The following ANKS1B variants were observed in gnomAD, a reference collection of about 807,000 sequenced individuals.
The protein encoded by ANKS1B is ankyrin repeat and sterile alpha motif domain-containing protein 1B.
A neutral mutation model predicts 148.3 loss-of-function variants in ANKS1B; 36 were observed. That is an observed-to-expected ratio of 0.24 (90% confidence interval 0.19 to 0.32). The LOEUF (loss-of-function observed/expected upper bound fraction) is 0.32, where lower values mean the gene tolerates loss of function less well. ANKS1B is among the 10% of genes least tolerant of loss of function. ANKS1B has a pLI of 1.00. For synonymous variants in ANKS1B, 542 were observed against 560.8 expected, an observed-to-expected ratio of 0.97 and a Z score of 0.47; for missense variants, 1,157 against 1,542.6, an observed-to-expected ratio of 0.75 and a Z score of 4.19.
chr12:99,881,969 A>G (rs937611714), intron 1 of ANKS1B, among the ~76,000 whole-genome samples: 2 of 152,240 alleles, frequency 1.3e-5, no homozygotes, highest in African/African-American at 4.8e-5. Context: ...CACAGACATC[A>G]ATGCCAAGAT....
intron 16 of ANKS1B, among the ~76,000 whole-genome samples, chr12:99,081,753 C>T (rs188379714): frequency 6.6e-5 from 10 of 152,186 alleles, no homozygotes; most frequent in Admixed American, 2.0e-4. Context: ...AATAATTCTA[C>T]GTTCAGTTTC....
chr12:99,560,187 C>G (rs1205358704), intron 9 of ANKS1B, among the ~76,000 whole-genome samples: 1 of 152,096 alleles, frequency 6.6e-6, no homozygotes, highest in African/African-American at 2.4e-5. Flanking sequence ...CTCTAATTGA[C>G]TGTAAAGTTA....
intron 1 of ANKS1B, among the ~76,000 whole-genome samples, chr12:99,981,231 C>G (rs934173813): frequency 6.6e-6 from 1 of 151,958 alleles, no homozygotes; most frequent in South Asian, 2.1e-4. Context: ...ATGATAGGTA[C>G]TATTATTACT....
Position 99,205,596 on chromosome 12 carries a change from C to T in ANKS1B, c.2419+38746G>A, listed in dbSNP as rs76774091. On this transcript the variant is annotated intron_variant, in intron 14 of 26. Transcript: ENST00000683438. ...TTCCTCACGGAGCCCCAGTCTGTTC[C>T]TTTCAGGTTGGACTCCGGTCTTTTT... Among the ~76,000 whole-genome samples the T allele has an allele frequency of 8.0e-3, 1,224 of 152,276 alleles. 13 individuals carry two copies. Among genetic ancestry groups the T allele is most frequent in the African/African-American group, 0.027 (1,140 of 41,536 alleles).
intron 9 of ANKS1B, among the ~76,000 whole-genome samples, chr12:99,561,162 A>G (rs1790831967): frequency 6.6e-6 from 1 of 152,156 alleles, no homozygotes. Context: ...TTCTTAAAAT[A>G]AGACAACAAT....
At chr12:99,196,678 G>A (rs2081422926) in intron 14 of ANKS1B, among the ~76,000 whole-genome samples, 1 of 151,556 alleles carries the variant, frequency 6.6e-6, no homozygotes, top group Non-Finnish European at 1.5e-5. Flanking sequence ...CAATGTGCAG[G>A]ATAGTTACAT....
intron 1 of ANKS1B, among the ~76,000 whole-genome samples, chr12:99,938,238 C>G (rs1303960723): frequency 1.3e-5 from 2 of 152,186 alleles, no homozygotes; most frequent in African/African-American, 4.8e-5. Flanking sequence ...ATTCTAGTTG[C>G]TGAAGCTGGC....
intron 9 of ANKS1B, among the ~76,000 whole-genome samples, chr12:99,597,531 CAATAG>C (rs1385932504): frequency 6.6e-6 from 1 of 151,894 alleles, no homozygotes; most frequent in Non-Finnish European, 1.5e-5. Flanking sequence ...AGGACATTTG[CAATAG>C]AATAAAGTAC....
chr12:99,888,969 AACACAC>A (rs6144833), intron 1 of ANKS1B, among the ~76,000 whole-genome samples: 6 of 147,282 alleles, frequency 4.1e-5, no homozygotes, highest in African/African-American at 5.0e-5. Context: ...CCTTCGCCAA[AACACAC>A]ACACACACAC....
At chr12:99,582,195 T>C (rs965728496) in intron 9 of ANKS1B, among the ~76,000 whole-genome samples, 1 of 151,756 alleles carries the variant, frequency 6.6e-6, no homozygotes, top group Non-Finnish European at 1.5e-5. Context: ...ATATGAACAA[T>C]ACCAAGTGAT....
chr12:99,631,139 C>G (rs900232125), intron 9 of ANKS1B, among the ~76,000 whole-genome samples: 9 of 152,106 alleles, frequency 5.9e-5, no homozygotes, highest in Non-Finnish European at 1.2e-4. Context: ...TTAAACCTCT[C>G]TCCTTTATAA....
chr12:98,908,448 G>GT (rs2099782378), intron 17 of ANKS1B, among the ~76,000 whole-genome samples: 1 of 152,106 alleles, frequency 6.6e-6, no homozygotes. Flanking sequence ...AATATACAAG[G>GT]TAGGGTTTAT....
intron 2 of ANKS1B, among the ~76,000 whole-genome samples, chr12:99,820,409 G>A (rs1373282060): frequency 6.6e-6 from 1 of 151,856 alleles, no homozygotes; most frequent in African/African-American, 2.4e-5. Context: ...TGTGTTCAAA[G>A]CAAAAGAATA....
At chr12:99,691,358 C>T (rs2098678453) in intron 8 of ANKS1B, among the ~76,000 whole-genome samples, 1 of 152,234 alleles carries the variant, frequency 6.6e-6, no homozygotes, top group African/African-American at 2.4e-5. Flanking sequence ...GCTTGAATTT[C>T]TCCCCAGCAA....
chr12:99,730,240 T>C (rs1274648741), intron 8 of ANKS1B, among the ~76,000 whole-genome samples: 2 of 152,212 alleles, frequency 1.3e-5, no homozygotes, highest in African/African-American at 4.8e-5. Flanking sequence ...TGAGGAGCTC[T>C]GACCACAGAT....
chr12:98,782,924 G>A (rs894730293), intron 22 of ANKS1B, among the ~76,000 whole-genome samples: 6 of 152,212 alleles, frequency 3.9e-5, no homozygotes, highest in Admixed American at 6.5e-5. Flanking sequence ...ACACATCAAA[G>A]GCAGGCTAGA....
At chr12:99,602,858 C>A (rs947356585) in intron 9 of ANKS1B, among the ~76,000 whole-genome samples, 2 of 151,950 alleles carry the variant, frequency 1.3e-5, no homozygotes, top group African/African-American at 4.8e-5. Context: ...TAGATATGGA[C>A]CCTCAAAAAC....
chr12:99,672,842 T>C (rs951727702), intron 8 of ANKS1B, among the ~76,000 whole-genome samples: 10 of 152,092 alleles, frequency 6.6e-5, no homozygotes, highest in Non-Finnish European at 1.5e-4. Context: ...TTGGGAAACT[T>C]CAACACAGAA....
At chr12:99,390,540 G>C (rs1262415884) in intron 12 of ANKS1B, among the ~76,000 whole-genome samples, 1 of 152,172 alleles carries the variant, frequency 6.6e-6, no homozygotes, top group Non-Finnish European at 1.5e-5. Context: ...TTCTACATTT[G>C]TGTCTGGAAC....
Sources: allele counts gnomAD v4.1 joint callset (sites outside exome capture counted in the v4.1 genomes callset), GRCh38; gene constraint gnomAD v4.1.1; transcripts MANE v1.5; gene names NCBI Gene and HGNC (gene_info 2026-07-23, HGNC 2026-07-21).